Variants in KCNN2 observed in about 807,000 individuals in gnomAD.
KCNN2 encodes small conductance calcium-activated potassium channel protein 2.
KCNN2 carries 24 observed loss-of-function variants against 55.5 expected under a neutral mutation model. That is an observed-to-expected ratio of 0.43 (90% CI 0.31 to 0.61). The LOEUF is 0.61. Among genes scored for constraint, KCNN2 ranks in the 20% least tolerant of loss-of-function variants. The probability of loss-of-function intolerance (pLI) is 0.08; values close to 1 mark genes in which losing one functional copy is unlikely to be tolerated. For missense variants in KCNN2, 754 were observed against 853.6 expected, an observed-to-expected ratio of 0.88 and a Z score of 1.45; for synonymous variants, 431 against 336.1, an observed-to-expected ratio of 1.28 and a Z score of -3.09.
At chr5:114,100,498 G>T (rs1751351138) in intron 1 of KCNN2, among the ~76,000 whole-genome samples, 1 of 152,086 alleles carries the variant, frequency 6.6e-6, no homozygotes, top group African/African-American at 2.4e-5. Context: ...TGCAGAGAAT[G>T]CAGAAACAAA....
At position 114,495,781 on chromosome 5, in the gene KCNN2, C is replaced by T. The variant is rs532770035; in HGVS notation, c.2089-114C>T. 53 of 913,658 alleles carry T rather than the reference C, an allele frequency of 5.8e-5. 1 individual carries two copies. The highest frequency in any genetic ancestry group is 4.5e-4 in the Admixed American group (20 of 44,856). The allele number at this position is 913,658 out of a possible 1,614,324, so 56.6% of individuals were successfully genotyped here. On this transcript the variant is annotated intron_variant, in intron 7 of 7. Transcript: ENST00000673685. ...CAAGATGAGCTGTTCAGTTAGCTGA[C>T]ACCCCTGTTACACTGAATGCCACCA... is the stretch of plus-strand genomic sequence containing the variant.
At chr5:114,382,954 C>T (rs774052943) in intron 2 of KCNN2, among the ~76,000 whole-genome samples, 2 of 152,122 alleles carry the variant, frequency 1.3e-5, no homozygotes, top group South Asian at 2.1e-4. Context: ...ATGTGTGAAC[C>T]GTCCTGAGTA....
chr5:114,379,044 T>G (rs1758022828), intron 2 of KCNN2, among the ~76,000 whole-genome samples: 1 of 152,140 alleles, frequency 6.6e-6, no homozygotes. Flanking sequence ...CTGAGCTGCC[T>G]ACTGGCAACT....
At chr5:114,444,616 T>G (rs559971026) in intron 3 of KCNN2, among the ~76,000 whole-genome samples, 1 of 152,160 alleles carries the variant, frequency 6.6e-6, no homozygotes, top group Admixed American at 6.5e-5. Flanking sequence ...GGATGAGACA[T>G]AGGTAAAGGT....
At chr5:114,355,641 G>A (rs539870665) in intron 2 of KCNN2, among the ~76,000 whole-genome samples, 2 of 150,702 alleles carry the variant, frequency 1.3e-5, no homozygotes, top group Non-Finnish European at 3.0e-5. Context: ...GCAGTGAGAG[G>A]ACAAGTCTGC....
intron 1 of KCNN2, among the ~76,000 whole-genome samples, chr5:114,111,394 G>A (rs899204600): frequency 3.9e-5 from 6 of 152,092 alleles, no homozygotes; most frequent in African/African-American, 1.4e-4. Flanking sequence ...GAAAACCTAG[G>A]CAATCCCATT....
intron 1 of KCNN2, among the ~76,000 whole-genome samples, chr5:114,196,078 C>A (rs1265732302): frequency 6.6e-6 from 1 of 151,830 alleles, no homozygotes; most frequent in African/African-American, 2.4e-5. Flanking sequence ...GTCTTGGCAC[C>A]CTTGTGAAAA....
chr5:114,203,971 G>T (rs79368466), intron 1 of KCNN2, among the ~76,000 whole-genome samples: 1 of 152,112 alleles, frequency 6.6e-6, no homozygotes, highest in Non-Finnish European at 1.5e-5. Flanking sequence ...ATGAATCCCT[G>T]ATTTCATTCA....
intron 2 of KCNN2, among the ~76,000 whole-genome samples, chr5:114,372,167 C>G (rs547350672): frequency 1.6e-4 from 24 of 152,304 alleles, no homozygotes; most frequent in Non-Finnish European, 2.6e-4. Context: ...GTGCTAGATT[C>G]TGTTCCAGAA....
intron 2 of KCNN2, among the ~76,000 whole-genome samples, chr5:114,288,215 GT>G (rs1451669115): frequency 6.6e-6 from 1 of 152,066 alleles, no homozygotes; most frequent in Non-Finnish European, 1.5e-5. Context: ...ATTTCCTTCT[GT>G]GTATATACCA....
chr5:114,091,605 A>G (rs750204766), intron 1 of KCNN2, among the ~76,000 whole-genome samples: 31 of 152,202 alleles, frequency 2.0e-4, no homozygotes, highest in Non-Finnish European at 4.0e-4. Flanking sequence ...ATACTGCTGT[A>G]AAGAACTGTT....
Position 114,127,064 on chromosome 5 carries a change from C to T in KCNN2, c.-271+70564C>T, listed in dbSNP as rs368918464. On this transcript the variant is annotated intron_variant, in intron 1 of 10. Transcript: ENST00000512097. ...TTTGCTCCTGTGGCTTTGCAGGGTACAGCCTCCCTTCCGGTTGCTTTCATG... is the reference window on the plus strand; with the variant it reads ...TTTGCTCCTGTGGCTTTGCAGGGTATAGCCTCCCTTCCGGTTGCTTTCATG... 1.1e-4 allele frequency among the ~76,000 whole-genome samples: 16 copies of T among 152,310 alleles called. No individual in the cohort carries two copies. The East Asian group carries it at 3.1e-3, about 29-fold the overall frequency.
intron 1 of KCNN2, among the ~76,000 whole-genome samples, chr5:114,195,831 T>C (rs1753545772): frequency 6.6e-6 from 1 of 152,056 alleles, no homozygotes; most frequent in South Asian, 2.1e-4. Context: ...AGGTTTTTTG[T>C]AGATGCCTTA....
chr5:114,437,273 C>G (rs574303902), intron 3 of KCNN2, among the ~76,000 whole-genome samples: 1 of 151,784 alleles, frequency 6.6e-6, no homozygotes, highest in Admixed American at 6.6e-5. Flanking sequence ...GAACAGCAGT[C>G]GAGGAATTGA....
chr5:114,355,275 C>T (rs1757276609), intron 2 of KCNN2, among the ~76,000 whole-genome samples: 1 of 152,026 alleles, frequency 6.6e-6, no homozygotes, highest in Non-Finnish European at 1.5e-5. Context: ...GAATAACACA[C>T]GGAAAGAGAA....
chr5:114,475,535 CAT>C (rs1413322590), intron 5 of KCNN2, among the ~76,000 whole-genome samples: 1 of 152,042 alleles, frequency 6.6e-6, no homozygotes, highest in Non-Finnish European at 1.5e-5. Context: ...TTTGGAATAA[CAT>C]ATAAAAAATA....
At chr5:114,072,598 A>G (rs1364204779) in intron 1 of KCNN2, among the ~76,000 whole-genome samples, 2 of 152,180 alleles carry the variant, frequency 1.3e-5, no homozygotes, top group Non-Finnish European at 2.9e-5. Flanking sequence ...TCTGTCCATT[A>G]TAAATTACCT....
chr5:114,078,329 C>T (rs1279603874), intron 1 of KCNN2, among the ~76,000 whole-genome samples: 2 of 152,212 alleles, frequency 1.3e-5, no homozygotes, highest in East Asian at 3.8e-4. Flanking sequence ...GAGGCTGTCT[C>T]ATTCTTGTCC....
intron 4 of KCNN2, among the ~76,000 whole-genome samples, chr5:114,471,332 TTTAATAC>T (rs1186947825): frequency 3.3e-4 from 1 of 3,006 alleles, no homozygotes; most frequent in East Asian, 0.25. Flanking sequence ...TTATAATACT[TTTAATAC>T]AATATAAATG....
Sources: allele counts gnomAD v4.1 joint callset (sites outside exome capture counted in the v4.1 genomes callset), GRCh38; gene constraint gnomAD v4.1.1; transcripts MANE v1.5; gene names NCBI Gene and HGNC (gene_info 2026-07-23, HGNC 2026-07-21).